Variants in GXYLT2 observed in about 807,000 individuals in gnomAD.
The protein encoded by GXYLT2 is glucoside xylosyltransferase 2.
A neutral mutation model predicts 45.8 loss-of-function variants in GXYLT2; 53 were observed. The ratio of observed to expected loss-of-function variants is 1.16; its 90% CI spans 0.93 to 1.46. The LOEUF (loss-of-function observed/expected upper bound fraction) is 1.46. GXYLT2 is among the 40% of genes most tolerant of loss of function. The pLI is 0.00. For synonymous variants in GXYLT2, 219 were observed against 214.2 expected, an observed-to-expected ratio of 1.02 and a Z score of -0.19; for missense variants, 551 against 544.4, an observed-to-expected ratio of 1.01 and a Z score of -0.12.
At chr3:72,944,633 C>T (rs1189749925) in intron 3 of GXYLT2, among the ~76,000 whole-genome samples, 1 of 152,058 alleles carries the variant, frequency 6.6e-6, no homozygotes, top group Non-Finnish European at 1.5e-5. Context: ...GTTGTTTGCT[C>T]TTCTCTGTTT....
At chr3:72,947,379 C>CA (rs998219028) in intron 3 of GXYLT2, among the ~76,000 whole-genome samples, 36 of 148,694 alleles carry the variant, frequency 2.4e-4, no homozygotes, top group East Asian at 3.9e-4. Flanking sequence ...GCCCTGGAGC[C>CA]AAAAAAAAAT....
chr3:72,902,657 C>T (rs898819782), intron 1 of GXYLT2, among the ~76,000 whole-genome samples: 3 of 151,980 alleles, frequency 2.0e-5, no homozygotes, highest in East Asian at 3.9e-4. Context: ...ATAGTGAGAT[C>T]CCATCTCTAC....
intron 1 of GXYLT2, among the ~76,000 whole-genome samples, chr3:72,893,073 C>T (rs960458113): frequency 5.9e-5 from 9 of 152,194 alleles, no homozygotes; most frequent in African/African-American, 2.2e-4. Context: ...AGTCCATTTT[C>T]CTTACGGCCG....
intron 3 of GXYLT2, among the ~76,000 whole-genome samples, chr3:72,930,273 G>A (rs114103754): frequency 0.01 from 1,520 of 148,890 alleles, 19 homozygotes; most frequent in African/African-American, 0.035. Context: ...TAGCTGATGC[G>A]GGCAGATCAC....
chr3:72,965,746 C>T (rs776686964), intron 5 of GXYLT2, among the ~76,000 whole-genome samples: 9 of 152,106 alleles, frequency 5.9e-5, no homozygotes, highest in Non-Finnish European at 1.3e-4. Flanking sequence ...CCATGTATAA[C>T]AGTCAACAGT....
At chr3:72,967,749 T>A in intron 6 of GXYLT2, 30 bp downstream of exon 6, 1 of 1,598,048 alleles carries the variant, frequency 6.3e-7, no homozygotes, top group Non-Finnish European at 8.6e-7. Context: ...TGTTAGCAGA[T>A]GTGCTTATCA....
chr3:72,964,425 C>T (rs978142387), intron 5 of GXYLT2, among the ~76,000 whole-genome samples: 2 of 151,982 alleles, frequency 1.3e-5, no homozygotes, highest in Admixed American at 1.3e-4. Context: ...CAGGTTCAAA[C>T]AATTCTCCTG....
intron 4 of GXYLT2, 148 bp downstream of exon 4, chr3:72,955,497 T>C (rs574002714): frequency 2.9e-6 from 2 of 681,578 alleles, no homozygotes; most frequent in African/African-American, 3.6e-5. Context: ...ATTTAGAAAA[T>C]TATAGAATAT....
At position 72,961,791 on chromosome 3, in the gene GXYLT2, G is replaced by A. The variant is rs575586440; in HGVS notation, c.976+4439G>A. Among the ~76,000 whole-genome samples the A allele has an allele frequency of 3.3e-5, 5 of 152,174 alleles. No homozygotes were observed. In the East Asian group the frequency reaches 7.7e-4, roughly 24 times the overall value. ...CATGAGGCATTTTCCTCTCTCAAAC[G>A]TGACCACATAGGTCTGCTCCTTCTA... On this transcript the variant is annotated intron_variant, in intron 5 of 6. Coordinates refer to ENST00000389617, the MANE Select transcript of GXYLT2 (RefSeq NM_001080393.2).
rs1292475371 is a variant in GXYLT2, at chr3:72,922,202, A to C, written c.469-2A>C. The C allele has an allele frequency of 6.2e-7, 1 of 1,610,694 alleles. No homozygotes were observed. The highest frequency in any genetic ancestry group is 1.7e-5 in the Admixed American group (1 of 59,414). On this transcript the variant is annotated splice_acceptor_variant, in intron 2 of 6. Transcript: ENST00000389617. LOFTEE classifies it high-confidence loss of function. ...CCTTCCCTTGCTTCCCATGTTTTTC[A>C]GTTACGCCAGTGGCCTGACTCATAT...
At chr3:72,904,154 A>G (rs1709459028) in intron 1 of GXYLT2, among the ~76,000 whole-genome samples, 1 of 152,240 alleles carries the variant, frequency 6.6e-6, no homozygotes, top group Non-Finnish European at 1.5e-5. Flanking sequence ...AACGTTATTA[A>G]CCATCAGTCA....
At chr3:72,939,963 A>C (rs1710270725) in intron 3 of GXYLT2, among the ~76,000 whole-genome samples, 1 of 152,194 alleles carries the variant, frequency 6.6e-6, no homozygotes, top group African/African-American at 2.4e-5. Context: ...CTAGGATTAC[A>C]GACTTGAGCC....
At chr3:72,951,908 C>A (rs2107137779) in intron 3 of GXYLT2, among the ~76,000 whole-genome samples, 1 of 151,700 alleles carries the variant, frequency 6.6e-6, no homozygotes, top group South Asian at 2.1e-4. Context: ...GTGGCACAAT[C>A]TCAGCTCACT....
At chr3:72,958,736 ATTC>A (rs1710701469) in intron 5 of GXYLT2, among the ~76,000 whole-genome samples, 1 of 149,818 alleles carries the variant, frequency 6.7e-6, no homozygotes, top group Non-Finnish European at 1.5e-5. Flanking sequence ...GGTTCCGGTA[ATTC>A]TTCTGCCTCA....
chr3:72,890,190 A>G (rs2107052765), intron 1 of GXYLT2, among the ~76,000 whole-genome samples: 1 of 149,492 alleles, frequency 6.7e-6, no homozygotes, highest in East Asian at 1.9e-4. Flanking sequence ...CTAGGATTAC[A>G]GGCGTGAGCC....
At chr3:72,965,774 G>A (rs999630062) in intron 5 of GXYLT2, among the ~76,000 whole-genome samples, 1 of 152,070 alleles carries the variant, frequency 6.6e-6, no homozygotes, top group Non-Finnish European at 1.5e-5. Context: ...TCCAAATATT[G>A]CCAAATGGCC....
intron 3 of GXYLT2, among the ~76,000 whole-genome samples, chr3:72,945,042 A>G (rs527421792): frequency 1.3e-5 from 2 of 151,664 alleles, no homozygotes; most frequent in Admixed American, 1.3e-4. Flanking sequence ...CTCTTCTACA[A>G]TCAGCCTCAA....
chr3:72,891,239 T>C (rs1227799682), intron 1 of GXYLT2, among the ~76,000 whole-genome samples: 2 of 152,104 alleles, frequency 1.3e-5, no homozygotes, highest in Non-Finnish European at 2.9e-5. Context: ...GGGTCAGGCT[T>C]GTGGTTGTAG....
chr3:72,888,208 GGCCGCC>G lies in GXYLT2; in HGVS notation c.-14_-9del, dbSNP rs1015286524. The G allele has an allele frequency of 1.3e-5, 13 of 985,788 alleles. No homozygotes were observed. In the South Asian group the frequency reaches 4.1e-4, roughly 31 times the overall value. The allele number at this position is 985,788 out of a possible 1,614,324, so 61.1% of individuals were successfully genotyped here. ...GCGCAGAGGGGCCGAGCCGCCTGGG[GGCCGCC>G]GCCGCCGCCGCGCCGCACCATGAAG... On this transcript the variant is annotated 5_prime_UTR_variant, in exon 1 of 7. Coordinates refer to ENST00000389617, the MANE Select transcript of GXYLT2 (RefSeq NM_001080393.2).
Sources: gnomAD v4.1 joint callset for allele counts (sites outside exome capture counted in the v4.1 genomes callset) on GRCh38, gnomAD v4.1.1 for gene constraint, MANE v1.5 for transcripts, NCBI Gene and HGNC (gene_info 2026-07-23, HGNC 2026-07-21) for gene names.